The following KIAA0586 variants were observed in gnomAD, a reference collection of about 807,000 sequenced individuals.
KIAA0586 encodes the protein protein TALPID3.
Under a neutral mutation model 169.8 loss-of-function variants are expected in KIAA0586, and 144 were observed. That is an observed-to-expected ratio of 0.85 (90% CI 0.74 to 0.97). The LOEUF is 0.97. Ranked by LOEUF, KIAA0586 falls within the 50% of genes least tolerant of loss-of-function variation. KIAA0586 has a pLI of 0.00. For synonymous variants in KIAA0586, 625 were observed against 612.4 expected (o/e 1.02, Z -0.30); for missense variants, 1,854 against 1,823.0 (o/e 1.02, Z -0.31).
chr14:58,531,880 T>C (rs1425988685), intron 29 of KIAA0586, among the ~76,000 whole-genome samples: 1 of 152,160 alleles, frequency 6.6e-6, no homozygotes, highest in Admixed American at 6.5e-5. Flanking sequence ...TTCATGTCCT[T>C]TGCAGGGACA....
intron 29 of KIAA0586, among the ~76,000 whole-genome samples, chr14:58,517,937 T>C (rs1595460868): frequency 6.6e-6 from 1 of 152,318 alleles, no homozygotes; most frequent in South Asian, 2.1e-4. Flanking sequence ...AAGGCAAAAC[T>C]ATAGATATGG....
intron 4 of KIAA0586, among the ~76,000 whole-genome samples, chr14:58,436,891 G>A (rs1367542293): frequency 6.6e-6 from 1 of 152,208 alleles, no homozygotes; most frequent in Non-Finnish European, 1.5e-5. Flanking sequence ...GAACTCCCTT[G>A]TGTGTGACTG....
chr14:58,509,707 C>T (rs1275122904), intron 28 of KIAA0586, among the ~76,000 whole-genome samples: 1 of 152,086 alleles, frequency 6.6e-6, no homozygotes, highest in Non-Finnish European at 1.5e-5. Context: ...TCAGGAAAAA[C>T]TAGTTAATAA....
chr14:58,428,231 C>T lies in KIAA0586; in HGVS notation c.-34C>T. The T allele has an allele frequency of 5.6e-6, 9 of 1,601,272 alleles. No individual in the cohort carries two copies. Among genetic ancestry groups the T allele is most frequent in the Non-Finnish European group, 7.7e-6 (9 of 1,174,340 alleles). ...AAGGAAACAGAGAAAGTTTTTCCGTCCTTAAGTGTGGGACTTGTTTTGTGA... is the reference window on the plus strand; with the variant it reads ...AAGGAAACAGAGAAAGTTTTTCCGTTCTTAAGTGTGGGACTTGTTTTGTGA... On this transcript the variant is annotated 5_prime_UTR_variant, in exon 1 of 31. Transcript: ENST00000652326.
chr14:58,482,250 A>AC (rs1328241334), intron 20 of KIAA0586, among the ~76,000 whole-genome samples: 1 of 151,126 alleles, frequency 6.6e-6, no homozygotes, highest in Non-Finnish European at 1.5e-5. Context: ...ACATGGTGAA[A>AC]CCCCATCTCT....
At chr14:58,464,061 T>A in intron 14 of KIAA0586, 1 of 427,856 alleles carries the variant, frequency 2.3e-6, no homozygotes. Context: ...ATGATATGAG[T>A]AGTCACATTG....
intron 25 of KIAA0586, 53 bp downstream of exon 25, chr14:58,490,293 G>T: frequency 9.5e-7 from 1 of 1,048,962 alleles, no homozygotes; most frequent in South Asian, 1.6e-5. Flanking sequence ...ATATCTGTAT[G>T]AATTGGTTGC....
chr14:58,431,705 T>G (rs1728152072), intron 3 of KIAA0586, among the ~76,000 whole-genome samples: 1 of 152,248 alleles, frequency 6.6e-6, no homozygotes, highest in Admixed American at 6.5e-5. Flanking sequence ...TTCATGAGCA[T>G]GGAATGTTTT....
intron 6 of KIAA0586, among the ~76,000 whole-genome samples, chr14:58,447,746 G>T (rs1595134155): frequency 6.6e-6 from 1 of 152,144 alleles, no homozygotes; most frequent in African/African-American, 2.4e-5. Flanking sequence ...CTCCCAAAGT[G>T]CTGGGATTAC....
chr14:58,445,143 A>C (rs2038764915), intron 6 of KIAA0586, among the ~76,000 whole-genome samples: 1 of 151,616 alleles, frequency 6.6e-6, no homozygotes, highest in African/African-American at 2.4e-5. Context: ...ACACACACAC[A>C]CACACATATA....
At position 58,427,729 on chromosome 14, in the gene KIAA0586, G is replaced by T. The variant is rs1305691003; in HGVS notation, c.-536G>T. 2.0e-6 allele frequency: 3 copies of T among 1,534,578 alleles called. No homozygotes were observed. The highest frequency in any genetic ancestry group is 2.4e-5 in the East Asian group (1 of 40,916). On this transcript the variant is annotated 5_prime_UTR_variant, in exon 1 of 31. Coordinates refer to ENST00000652326, the MANE Select transcript of KIAA0586 (RefSeq NM_001329943.3). ...CTGCGGGCAACTGACGCTGTTGTCA[G>T]ATTACACCCACGACGGTGCGGGTCT...
chr14:58,427,571 T>A (rs2036919379), upstream of KIAA0586: 1 of 1,534,562 alleles, frequency 6.5e-7, no homozygotes, highest in Non-Finnish European at 8.7e-7. Flanking sequence ...TGTCCGGAGT[T>A]TGTTTCCACC....
intron 29 of KIAA0586, among the ~76,000 whole-genome samples, chr14:58,530,690 T>G (rs1264152236): frequency 2.0e-5 from 3 of 152,068 alleles, no homozygotes; most frequent in South Asian, 2.1e-4. Context: ...CAAAAATTAA[T>G]TCAAGATGGA....
chr14:58,482,768 G>T, intron 21 of KIAA0586, 56 bp downstream of exon 21: 1 of 1,177,772 alleles, frequency 8.5e-7, no homozygotes. Context: ...TGAATTTTAA[G>T]CTGCATACCA....
At chr14:58,431,076 T>C (rs906890182) in intron 3 of KIAA0586, among the ~76,000 whole-genome samples, 1 of 152,224 alleles carries the variant, frequency 6.6e-6, no homozygotes, top group East Asian at 1.9e-4. Flanking sequence ...AATTTTCTTC[T>C]TAAGGGTAGA....
chr14:58,503,622 A>G (rs1020009388), intron 27 of KIAA0586, among the ~76,000 whole-genome samples: 1 of 152,156 alleles, frequency 6.6e-6, no homozygotes, highest in African/African-American at 2.4e-5. Context: ...AAATTACTGT[A>G]GTTATTGTGA....
intron 30 of KIAA0586, among the ~76,000 whole-genome samples, chr14:58,542,335 G>A (rs769834159): frequency 2.0e-5 from 3 of 152,002 alleles, no homozygotes; most frequent in Non-Finnish European, 2.9e-5. Context: ...TAATTAGCTG[G>A]GTGCGGTGGC....
intron 14 of KIAA0586, among the ~76,000 whole-genome samples, chr14:58,462,196 C>T (rs2040379902): frequency 1.3e-5 from 2 of 151,012 alleles, no homozygotes; most frequent in African/African-American, 4.9e-5. Context: ...GATATTTATC[C>T]TAATGGATGG....
chr14:58,534,068 G>T (rs1206445818), intron 29 of KIAA0586, among the ~76,000 whole-genome samples: 1 of 152,052 alleles, frequency 6.6e-6, no homozygotes, highest in Non-Finnish European at 1.5e-5. Flanking sequence ...CACTGTCAAG[G>T]CTACACAGAT....
Sources: allele counts gnomAD v4.1 joint callset (sites outside exome capture counted in the v4.1 genomes callset), GRCh38; gene constraint gnomAD v4.1.1; transcripts MANE v1.5; gene names NCBI Gene and HGNC (gene_info 2026-07-23, HGNC 2026-07-21).